Variants in TMCO6 observed in about 807,000 individuals in gnomAD.
TMCO6 encodes transmembrane and coiled-coil domains 6, also known as transmembrane and coiled-coil domain-containing protein 6.
A neutral mutation model predicts 61.8 loss-of-function variants in TMCO6; 47 were observed. That is an observed-to-expected ratio of 0.76 (90% CI 0.60 to 0.97). The LOEUF is 0.97. Among genes scored for constraint, TMCO6 ranks in the 50% least tolerant of loss-of-function variants. The probability of loss-of-function intolerance (pLI) is 0.00; values close to 1 mark genes in which losing one functional copy is unlikely to be tolerated. For missense variants in TMCO6, 557 were observed against 601.6 expected (o/e 0.93, Z 0.78); for synonymous variants, 261 against 254.2 (o/e 1.03, Z -0.25).
chr5:140,641,721 G>A lies in TMCO6; in HGVS notation c.255G>A (p.Gly85=). Residue 85 remains glycine, a synonymous_variant, in exon 3 of 12, where the codon GGG becomes GGA. Coordinates refer to ENST00000394671, the MANE Select transcript of TMCO6 (RefSeq NM_018502.5). ...GGACAGAGGAAAAGGAGAGAGAGGG[G>A]GCTCTGGTCAGCCTTCGTCGAGGCT... ...QRGTEEKERE[G]ALVSLRRGLQ... 6.2e-7 allele frequency: 1 copy of A among 1,614,192 alleles called. No individual in the cohort carries two copies. Among genetic ancestry groups the A allele is most frequent in the Non-Finnish European group, 8.5e-7 (1 of 1,180,030 alleles).
At chr5:140,611,341 T>C in the TMCO6 span, among the ~76,000 whole-genome samples, 1 of 152,188 alleles carries the variant, frequency 6.6e-6, no homozygotes, top group Non-Finnish European at 1.5e-5. Flanking sequence ...CCTATCTCAG[T>C]GCACCTAAAG....
At chr5:140,640,643 C>T (rs1756967720) in intron 2 of TMCO6, among the ~76,000 whole-genome samples, 1 of 152,182 alleles carries the variant, frequency 6.6e-6, no homozygotes, top group South Asian at 2.1e-4. Flanking sequence ...ATGATCCACC[C>T]GCCTTGGCCT....
chr5:140,617,239 A>C, the TMCO6 span, among the ~76,000 whole-genome samples: 1 of 152,172 alleles, frequency 6.6e-6, no homozygotes, highest in Non-Finnish European at 1.5e-5. Flanking sequence ...CAGCCTGGCC[A>C]ACATGGTGAA....
the TMCO6 span, among the ~76,000 whole-genome samples, chr5:140,628,875 G>T: frequency 6.6e-6 from 1 of 152,168 alleles, no homozygotes; most frequent in African/African-American, 2.4e-5. Context: ...AACCCAGACA[G>T]CTCCTAAGTT....
At chr5:140,644,847 C>T (rs702399) in intron 11 of TMCO6, 107 bp downstream of exon 11, 646,616 of 1,531,712 alleles carry the variant, frequency 0.42, 137,332 homozygotes, top group East Asian at 0.47. Flanking sequence ...CCTGGCTAAC[C>T]TATATAGGTT....
At chr5:140,643,465 G>A in intron 7 of TMCO6, 99 bp from the exon 8 acceptor site, 1 of 1,136,294 alleles carries the variant, frequency 8.8e-7, no homozygotes, top group South Asian at 1.3e-5. Flanking sequence ...CCAAAGTGCT[G>A]GGATTACAGG....
the TMCO6 span, among the ~76,000 whole-genome samples, chr5:140,612,333 T>C: frequency 2.5e-5 from 3 of 120,080 alleles, no homozygotes; most frequent in Non-Finnish European, 3.5e-5. Context: ...ACTTGCCCAA[T>C]CTTTTTTTTT....
the TMCO6 span, among the ~76,000 whole-genome samples, chr5:140,609,654 A>AAAAAAAG: frequency 6.6e-6 from 1 of 151,928 alleles, no homozygotes. Flanking sequence ...CACCAAAAAA[A>AAAAAAAG]AAAGAATTTC....
At chr5:140,644,828 T>G (rs111887132) in intron 11 of TMCO6, 88 bp downstream of exon 11, 27 of 1,561,356 alleles carry the variant, frequency 1.7e-5, no homozygotes, top group Middle Eastern at 1.8e-4. Flanking sequence ...CTATAGTTGT[T>G]TCTCTGGGCC....
At chr5:140,606,420 G>T in the TMCO6 span, among the ~76,000 whole-genome samples, 1 of 151,930 alleles carries the variant, frequency 6.6e-6, no homozygotes, top group South Asian at 2.1e-4. Flanking sequence ...TCAGACTAAA[G>T]GTTTGTCAAT....
At chr5:140,600,469 G>GTT in the TMCO6 span, among the ~76,000 whole-genome samples, 46 of 138,378 alleles carry the variant, frequency 3.3e-4, no homozygotes, top group African/African-American at 8.9e-4. Context: ...AATTTGTTTT[G>GTT]TTTTTTTTTT....
the TMCO6 span, among the ~76,000 whole-genome samples, chr5:140,613,405 A>C: frequency 6.6e-6 from 1 of 150,874 alleles, no homozygotes; most frequent in African/African-American, 2.4e-5. Context: ...AAAAAAAAAA[A>C]AAAAAAAAAA....
chr5:140,608,808 CAT>C, the TMCO6 span, among the ~76,000 whole-genome samples: 1 of 152,194 alleles, frequency 6.6e-6, no homozygotes, highest in African/African-American at 2.4e-5. Flanking sequence ...TTCCCATAGA[CAT>C]GTGGGTATAT....
At chr5:140,633,191 C>T in the TMCO6 span, 2 of 1,285,328 alleles carry the variant, frequency 1.6e-6, no homozygotes, top group African/African-American at 1.5e-5. Context: ...CTTCGGCTGC[C>T]TCTGACAGTT....
chr5:140,643,054 T>G lies in TMCO6; in HGVS notation c.806+13T>G, dbSNP rs1757146769. On this transcript the variant is annotated intron_variant, in intron 7 of 11. Transcript: ENST00000394671. ...ACATCATCTGCAGGTAACAGGGCAATTGGGAAAGTACCACAGATCTTCCCT... is the reference window on the plus strand; with the variant it reads ...ACATCATCTGCAGGTAACAGGGCAAGTGGGAAAGTACCACAGATCTTCCCT... The G allele has an allele frequency of 6.2e-7, 1 of 1,614,054 alleles. No individual in the cohort carries two copies. The highest frequency in any genetic ancestry group is 1.3e-5 in the African/African-American group (1 of 74,932).
At chr5:140,623,421 T>A in the TMCO6 span, among the ~76,000 whole-genome samples, 21 of 150,904 alleles carry the variant, frequency 1.4e-4, no homozygotes, top group East Asian at 3.9e-3. Flanking sequence ...CCCCACAAAA[T>A]GCTTAAAAGG....
the TMCO6 span, among the ~76,000 whole-genome samples, chr5:140,599,060 C>T: frequency 0.2 from 30,969 of 152,180 alleles, 3,510 homozygotes; most frequent in East Asian, 0.29. Context: ...GGCCTTCCAA[C>T]GGGGGAATGT....
the TMCO6 span, among the ~76,000 whole-genome samples, chr5:140,614,763 C>T: frequency 5.3e-5 from 8 of 151,948 alleles, no homozygotes; most frequent in Non-Finnish European, 8.8e-5. Flanking sequence ...TACAGGCGCC[C>T]GCCACCACGC....
chr5:140,622,398 C>T, the TMCO6 span, among the ~76,000 whole-genome samples: 5 of 152,030 alleles, frequency 3.3e-5, no homozygotes, highest in Non-Finnish European at 5.9e-5. Flanking sequence ...ATGAAGTAGC[C>T]CCTGCTATCT....
Sources: gnomAD v4.1 joint callset for allele counts (sites outside exome capture counted in the v4.1 genomes callset) on GRCh38, gnomAD v4.1.1 for gene constraint, MANE v1.5 for transcripts, NCBI Gene and HGNC (gene_info 2026-07-23, HGNC 2026-07-21) for gene names.